The following ZNF704 variants were observed in gnomAD, a reference collection of about 807,000 sequenced individuals.
The protein encoded by ZNF704 is zinc finger protein 704.
ZNF704 carries 10 observed loss-of-function variants against 44.7 expected under a neutral mutation model. That is an observed-to-expected ratio of 0.22 (90% CI 0.14 to 0.38). The LOEUF is 0.38. Among genes scored for constraint, ZNF704 ranks in the 10% least tolerant of loss-of-function variants. The probability of loss-of-function intolerance (pLI) is 1.00; values close to 1 mark genes in which losing one functional copy is unlikely to be tolerated. For synonymous variants in ZNF704, 211 were observed against 207.6 expected, an observed-to-expected ratio of 1.02 and a Z score of -0.14; for missense variants, 390 against 545.5, an observed-to-expected ratio of 0.71 and a Z score of 2.84.
chr8:80,642,127 A>G (rs1377954092), intron 8 of ZNF704, among the ~76,000 whole-genome samples: 1 of 152,168 alleles, frequency 6.6e-6, no homozygotes, highest in Non-Finnish European at 1.5e-5. Context: ...ATGTTCCAAG[A>G]CCTCCAGTGG....
chr8:80,816,792 A>C (rs1036320633), intron 2 of ZNF704, among the ~76,000 whole-genome samples: 3 of 152,200 alleles, frequency 2.0e-5, no homozygotes, highest in Admixed American at 1.3e-4. Context: ...CTGTGTAGTT[A>C]TCTCTCCTGA....
intron 4 of ZNF704, among the ~76,000 whole-genome samples, chr8:80,681,579 T>G (rs1173769838): frequency 6.6e-6 from 1 of 152,142 alleles, no homozygotes; most frequent in African/African-American, 2.4e-5. Flanking sequence ...CAAAACTCAC[T>G]AAATGGTATA....
At chr8:80,836,855 A>G (rs1292197269) in intron 1 of ZNF704, among the ~76,000 whole-genome samples, 1 of 152,134 alleles carries the variant, frequency 6.6e-6, no homozygotes, top group Non-Finnish European at 1.5e-5. Flanking sequence ...ATTCTGCAGG[A>G]CTTATTATTT....
intron 2 of ZNF704, among the ~76,000 whole-genome samples, chr8:80,736,621 T>G (rs1806670737): frequency 6.6e-6 from 1 of 152,094 alleles, no homozygotes; most frequent in South Asian, 2.1e-4. Flanking sequence ...CGAAGGGAAC[T>G]TAAAAAAAAT....
chr8:80,733,465 G>C (rs1452668996), intron 2 of ZNF704, among the ~76,000 whole-genome samples: 1 of 152,180 alleles, frequency 6.6e-6, no homozygotes, highest in Non-Finnish European at 1.5e-5. Context: ...AGCAATCCAA[G>C]ATAATCTTGA....
chr8:80,798,033 T>C (rs1807836086), intron 2 of ZNF704, among the ~76,000 whole-genome samples: 2 of 152,208 alleles, frequency 1.3e-5, no homozygotes, highest in South Asian at 2.1e-4. Flanking sequence ...GATATCCTAA[T>C]TCATGGATCT....
intron 5 of ZNF704, among the ~76,000 whole-genome samples, chr8:80,667,538 G>A (rs535488755): frequency 3.9e-5 from 6 of 152,286 alleles, no homozygotes; most frequent in Admixed American, 1.3e-4. Flanking sequence ...TTTACTCATC[G>A]TTTTGTTAAT....
intron 1 of ZNF704, among the ~76,000 whole-genome samples, chr8:80,825,622 C>T (rs553876535): frequency 6.6e-6 from 1 of 152,342 alleles, no homozygotes; most frequent in African/African-American, 2.4e-5. Flanking sequence ...ACAGAATATA[C>T]ACTCTTCTCA....
intron 1 of ZNF704, among the ~76,000 whole-genome samples, chr8:80,851,061 T>A (rs899327772): frequency 1.3e-5 from 2 of 152,228 alleles, no homozygotes; most frequent in African/African-American, 4.8e-5. Context: ...CTAGGCTATA[T>A]GGTATAGCCC....
intron 1 of ZNF704, among the ~76,000 whole-genome samples, chr8:80,846,094 G>C (rs1222059933): frequency 1.3e-5 from 2 of 152,058 alleles, no homozygotes; most frequent in Non-Finnish European, 2.9e-5. Flanking sequence ...TTTTATGAGG[G>C]AATGCTGCTC....
intron 1 of ZNF704, among the ~76,000 whole-genome samples, chr8:80,825,454 T>G (rs1051380533): frequency 2.2e-4 from 33 of 152,148 alleles, no homozygotes; most frequent in Non-Finnish European, 3.7e-4. Context: ...CAAAGAGACT[T>G]AGACTCCCAC....
chr8:80,837,634 A>G (rs776857763), intron 1 of ZNF704, among the ~76,000 whole-genome samples: 12 of 152,162 alleles, frequency 7.9e-5, no homozygotes, highest in South Asian at 4.1e-4. Context: ...TACTCCCCCA[A>G]TGAGTTTTAA....
chr8:80,645,099 G>A (rs970250925), intron 7 of ZNF704: 20 of 1,581,296 alleles, frequency 1.3e-5, no homozygotes, highest in Admixed American at 1.7e-5. Context: ...TATGTCCTTG[G>A]GCAGCATGAC....
intron 2 of ZNF704, 33 bp downstream of exon 2, chr8:80,821,341 G>C (rs371973619): frequency 1.1e-4 from 178 of 1,599,164 alleles, no homozygotes; most frequent in Non-Finnish European, 1.5e-4. Context: ...AACTTCCTGG[G>C]GCAGACACAT....
At chr8:80,877,185 GAAAAAAAAAAAAAAAA>G (rs5892744), upstream of ZNF704, among the ~76,000 whole-genome samples, 1 of 59,680 alleles carries the variant, frequency 1.7e-5, no homozygotes, top group Non-Finnish European at 3.2e-5. Flanking sequence ...CTCTGAATGG[GAAAAAAAAAAAAAAAA>G]AAAAAAAAAA....
intron 2 of ZNF704, among the ~76,000 whole-genome samples, chr8:80,803,898 C>T (rs931323692): frequency 4.6e-5 from 7 of 152,206 alleles, no homozygotes; most frequent in African/African-American, 1.7e-4. Context: ...GAACACACAA[C>T]CTACAGAATA....
intron 2 of ZNF704, among the ~76,000 whole-genome samples, chr8:80,718,001 A>C (rs867883817): frequency 1.3e-5 from 2 of 152,188 alleles, no homozygotes; most frequent in Non-Finnish European, 2.9e-5. Flanking sequence ...AGAGCATTCA[A>C]CGAATTCTCA....
intron 2 of ZNF704, among the ~76,000 whole-genome samples, chr8:80,806,607 A>G (rs1807994709): frequency 6.6e-6 from 1 of 152,188 alleles, no homozygotes; most frequent in Admixed American, 6.5e-5. Context: ...TCAGTTTTTA[A>G]TTTCTCTTCT....
rs1271148831 is a variant in ZNF704 at position 80,636,178 on chromosome 8, ATTAAGTTATAATTGTTTTTGTAT to A, written c.*5165_*5187del. On this transcript the variant is annotated 3_prime_UTR_variant, in exon 9 of 9. Coordinates refer to ENST00000327835, the MANE Select transcript of ZNF704 (RefSeq NM_001033723.3). ...GTGTATTTCTTGTTTTATTTGGAAA[ATTAAGTTATAATTGTTTTTGTAT>A]TTAAAGGTTATGTTTTGCCAAGACA... The A allele has an allele frequency of 6.6e-6, 1 of 152,178 alleles. No individual in the cohort carries two copies. Among genetic ancestry groups the A allele is most frequent in the Non-Finnish European group, 1.5e-5 (1 of 68,034 alleles). The allele number at this position is 152,178 out of a possible 1,614,324, so 9.4% of individuals were successfully genotyped here.
Sources: allele counts gnomAD v4.1 joint callset (sites outside exome capture counted in the v4.1 genomes callset), GRCh38; gene constraint gnomAD v4.1.1; transcripts MANE v1.5; gene names NCBI Gene and HGNC (gene_info 2026-07-23, HGNC 2026-07-21).